Variants in ADAM29 observed in about 807,000 individuals in gnomAD.
The protein encoded by ADAM29 is ADAM metallopeptidase domain 29.
For missense variants in ADAM29, 969 were observed against 1,001.8 expected, an observed-to-expected ratio of 0.97 and a Z score of 0.44; for synonymous variants, 367 against 342.3, an observed-to-expected ratio of 1.07 and a Z score of -0.80.
intron 2 of ADAM29, among the ~76,000 whole-genome samples, chr4:174,921,427 T>C (rs973353333): frequency 1.3e-5 from 2 of 152,178 alleles, no homozygotes; most frequent in African/African-American, 4.8e-5. Context: ...TGGACTACTC[T>C]TTATGCATGG....
At chr4:174,966,640 C>T (rs747279294) in intron 4 of ADAM29, among the ~76,000 whole-genome samples, 22 of 152,132 alleles carry the variant, frequency 1.4e-4, no homozygotes, top group Admixed American at 3.9e-4. Context: ...CTCTGCCTTT[C>T]AGAACCACTG....
intron 3 of ADAM29, 142 bp downstream of exon 3, chr4:174,931,316 G>A (rs1381327920): frequency 6.6e-6 from 1 of 152,034 alleles, no homozygotes; most frequent in Non-Finnish European, 1.5e-5. Context: ...GAAAAAATGT[G>A]GATAAATACA....
chr4:174,953,072 G>A (rs1745277629), intron 4 of ADAM29, among the ~76,000 whole-genome samples: 1 of 152,182 alleles, frequency 6.6e-6, no homozygotes. Flanking sequence ...GGATCACAAG[G>A]TCAGGAGATC....
intron 4 of ADAM29, among the ~76,000 whole-genome samples, chr4:174,949,008 G>T (rs1211636049): frequency 6.6e-6 from 1 of 152,116 alleles, no homozygotes; most frequent in Admixed American, 6.5e-5. Flanking sequence ...GAAACTGGGT[G>T]GGCTGGTGTG....
chr4:174,925,391 C>T (rs1055726353), intron 2 of ADAM29, among the ~76,000 whole-genome samples: 3 of 151,522 alleles, frequency 2.0e-5, no homozygotes, highest in Non-Finnish European at 4.4e-5. Context: ...TAAATTAAAA[C>T]GGTTTTAAAA....
chr4:174,959,422 A>G (rs1240981084), intron 4 of ADAM29, among the ~76,000 whole-genome samples: 1 of 151,138 alleles, frequency 6.6e-6, no homozygotes, highest in Non-Finnish European at 1.5e-5. Context: ...ATTGAAATAA[A>G]ATATTCCTAC....
At chr4:174,935,499 C>T (rs1017630862) in intron 3 of ADAM29, among the ~76,000 whole-genome samples, 2 of 151,994 alleles carry the variant, frequency 1.3e-5, no homozygotes, top group South Asian at 2.1e-4. Context: ...TCATAGTGAA[C>T]GTCTAGTAAG....
intron 3 of ADAM29, among the ~76,000 whole-genome samples, chr4:174,934,156 C>T (rs1213308280): frequency 6.6e-6 from 1 of 152,054 alleles, no homozygotes; most frequent in African/African-American, 2.4e-5. Flanking sequence ...TAATAATAGC[C>T]ATTCTGACTG....
chr4:174,949,266 C>T (rs1745031430), intron 4 of ADAM29, among the ~76,000 whole-genome samples: 1 of 152,156 alleles, frequency 6.6e-6, no homozygotes, highest in African/African-American at 2.4e-5. Context: ...GCTAAAGTCT[C>T]CTAGAGTTCC....
At chr4:174,945,762 T>G (rs745917467) in intron 4 of ADAM29, among the ~76,000 whole-genome samples, 19 of 152,208 alleles carry the variant, frequency 1.2e-4, no homozygotes, top group Non-Finnish European at 2.6e-4. Flanking sequence ...ATTTACCCAT[T>G]GCTTGTTTTT....
intron 4 of ADAM29, among the ~76,000 whole-genome samples, chr4:174,959,379 T>C (rs1297517749): frequency 6.6e-6 from 1 of 151,780 alleles, no homozygotes; most frequent in Non-Finnish European, 1.5e-5. Flanking sequence ...ACCAGCTTCC[T>C]TCAAGACCTT....
chr4:174,946,444 T>C (rs982658812), intron 4 of ADAM29, among the ~76,000 whole-genome samples: 1 of 151,986 alleles, frequency 6.6e-6, no homozygotes, highest in South Asian at 2.1e-4. Flanking sequence ...GTCTGTAAAG[T>C]GAGATAATTT....
At chr4:174,954,883 A>T (rs533061980) in intron 4 of ADAM29, among the ~76,000 whole-genome samples, 32 of 152,264 alleles carry the variant, frequency 2.1e-4, no homozygotes, top group African/African-American at 7.5e-4. Context: ...TTTCTAGTAT[A>T]TTCTGAAATT....
intron 4 of ADAM29, among the ~76,000 whole-genome samples, chr4:174,967,296 G>T (rs929590078): frequency 6.6e-6 from 1 of 151,676 alleles, no homozygotes; most frequent in Non-Finnish European, 1.5e-5. Context: ...GAGGTAACAA[G>T]ATTTTTCTTT....
At chr4:174,961,875 T>C (rs1171498457) in intron 4 of ADAM29, among the ~76,000 whole-genome samples, 1 of 152,190 alleles carries the variant, frequency 6.6e-6, no homozygotes, top group Non-Finnish European at 1.5e-5. Context: ...GGCTTCTTCA[T>C]CTTTCCTTCA....
At chr4:174,956,527 A>AG (rs1381016021) in intron 4 of ADAM29, among the ~76,000 whole-genome samples, 1 of 151,316 alleles carries the variant, frequency 6.6e-6, no homozygotes, top group African/African-American at 2.4e-5. Flanking sequence ...AGAGAGAAAA[A>AG]AAAGAGAGAG....
intron 4 of ADAM29, among the ~76,000 whole-genome samples, chr4:174,963,522 A>T (rs1745975583): frequency 6.6e-6 from 1 of 152,172 alleles, no homozygotes; most frequent in African/African-American, 2.4e-5. Flanking sequence ...ATGCATATAA[A>T]CCACATATAG....
chr4:174,924,596 G>A (rs114340137), intron 2 of ADAM29, among the ~76,000 whole-genome samples: 271 of 152,146 alleles, frequency 1.8e-3, no homozygotes, highest in Non-Finnish European at 3.3e-3. Flanking sequence ...AACAAACTAC[G>A]ACATATCAAT....
intron 2 of ADAM29, among the ~76,000 whole-genome samples, chr4:174,925,666 G>A (rs1236586850): frequency 6.6e-6 from 1 of 152,000 alleles, no homozygotes; most frequent in African/African-American, 2.4e-5. Flanking sequence ...TTATACTTGA[G>A]CCAAAATTAA....
Sources: allele counts gnomAD v4.1 joint callset (sites outside exome capture counted in the v4.1 genomes callset), GRCh38; gene constraint gnomAD v4.1.1; transcripts MANE v1.5; gene names NCBI Gene and HGNC (gene_info 2026-07-23, HGNC 2026-07-21).